The following ADGRG1 variants were observed in gnomAD, a reference collection of about 807,000 sequenced individuals.
ADGRG1 encodes the protein adhesion G protein-coupled receptor G1, also known as 7-transmembrane protein with no EGF-like N-terminal domains-1.
ADGRG1 carries 53 observed loss-of-function variants against 73.5 expected under a neutral mutation model. The observed-to-expected ratio is 0.72, with a 90% CI of 0.58 to 0.91. The LOEUF (loss-of-function observed/expected upper bound fraction) is 0.91, where lower values mean the gene tolerates loss of function less well. Ranked by LOEUF, ADGRG1 falls within the 40% of genes least tolerant of loss-of-function variation. The probability of loss-of-function intolerance (pLI) is 0.00; values close to 1 mark genes in which losing one functional copy is unlikely to be tolerated. For missense variants in ADGRG1, 795 were observed against 871.8 expected (o/e 0.91, Z 1.11); for synonymous variants, 394 against 374.4 (o/e 1.05, Z -0.60).
chr16:57,639,153 C>T (rs2040113209), intron 1 of ADGRG1: 1 of 481,696 alleles, frequency 2.1e-6, no homozygotes, highest in Non-Finnish European at 2.7e-6. Flanking sequence ...CTCTGCCTCT[C>T]TCGAGAAATT....
upstream of ADGRG1, among the ~76,000 whole-genome samples, chr16:57,626,071 G>A (rs568880797): frequency 6.6e-6 from 1 of 152,310 alleles, no homozygotes; most frequent in East Asian, 1.9e-4. Context: ...AGACTGTTGT[G>A]AGAACAGAAG....
At chr16:57,632,718 C>G in intron 1 of ADGRG1, 1 of 918,672 alleles carries the variant, frequency 1.1e-6, no homozygotes, top group Non-Finnish European at 1.3e-6. Flanking sequence ...CAGGCTCAGG[C>G]AGTTTGTGGT....
chr16:57,661,806 C>T lies in ADGRG1; in HGVS notation c.1774C>T (p.Arg592Trp), dbSNP rs764782487. The T allele has an allele frequency of 5.9e-5, 96 of 1,614,114 alleles. No homozygotes were observed. The highest frequency in any genetic ancestry group is 1.6e-4 in the Middle Eastern group (1 of 6,084). ...MLATMVVQIL[R>W]LRPHTQKWSH... The stretch of plus-strand genomic sequence containing the variant: ...AGCCACCATGGTGGTGCAGATCCTG[C>T]GGCTGCGCCCCCACACCCAAAAGTG... The change falls in exon 13 of 14, where the codon CGG (arginine) becomes TGG (tryptophan). Residue 592 changes from arginine to tryptophan, a missense_variant. Coordinates refer to ENST00000562631, the MANE Select transcript of ADGRG1 (RefSeq NM_201525.4).
rs1271573702 is a variant in ADGRG1 at position 57,663,929 on chromosome 16, T to G, written c.*347T>G. The G allele has an allele frequency of 1.0e-5, 4 of 398,084 alleles. No individual in the cohort carries two copies. In the East Asian group the frequency reaches 2.3e-4, roughly 23 times the overall value. 24.7% of individuals were successfully genotyped at this position (398,084 alleles called of 1,614,324 possible). A position where few individuals can be genotyped will look rare whatever the true frequency, so the allele number is the denominator to read the frequency against. On this transcript the variant is annotated 3_prime_UTR_variant, in exon 14 of 14. Coordinates refer to ENST00000562631, the MANE Select transcript of ADGRG1 (RefSeq NM_201525.4). The stretch of plus-strand genomic sequence containing the variant: ...ATTGCTGGGGGCCAGGCCTTGGATC[T>G]TGAGGGTCTGGCACATCCTTAATCC...
rs774118765 is a variant in ADGRG1, at chr16:57,659,729, C to T, written c.1555+48C>T. 4 of 1,606,912 alleles carry T rather than the reference C, an allele frequency of 2.5e-6. No individual in the cohort carries two copies. The South Asian group carries it at 3.3e-5, about 13-fold the overall frequency. ...CCTCAGACCTGCCTCTCCCACTTGG[C>T]TCTGGCAAAACCCAGGCACCTGGTT... On this transcript the variant is annotated intron_variant, in intron 11 of 13. Coordinates refer to ENST00000562631, the MANE Select transcript of ADGRG1 (RefSeq NM_201525.4).
At chr16:57,627,729 C>T (rs1315525225), upstream of ADGRG1, 11 of 812,256 alleles carry the variant, frequency 1.4e-5, no homozygotes, top group Non-Finnish European at 1.4e-5. Flanking sequence ...ATCCTCATTG[C>T]TCGGAGGAGG....
chr16:57,647,675 A>T, intron 1 of ADGRG1: 1 of 546,346 alleles, frequency 1.8e-6, no homozygotes, highest in Non-Finnish European at 2.3e-6. Context: ...CCCATGGGTT[A>T]AAGGAAGCCA....
chr16:57,621,018 T>TG (rs2034688896), exon 1 of ADGRG1: 1 of 152,186 alleles, frequency 6.6e-6, no homozygotes, highest in South Asian at 2.1e-4. Context: ...CCTGGTCTCA[T>TG]GGGCCACACA....
chr16:57,643,974 G>A, intron 1 of ADGRG1: 5 of 984,688 alleles, frequency 5.1e-6, no homozygotes, highest in Middle Eastern at 5.2e-4. Context: ...GAGCTGTTGG[G>A]TACATGCTAT....
Position 57,642,022 on chromosome 16 carries a change from G to A in ADGRG1, c.-35-8231G>A, listed in dbSNP as rs186745179. ...CTTGCCTCAGCCTCCCAAGTAGCTG[G>A]TACTACAGGCAAGCACTACTACCCC... On this transcript the variant is annotated intron_variant, in intron 1 of 13. Transcript: ENST00000562631. The A allele has an allele frequency of 7.2e-4, 663 of 916,710 alleles. 3 individuals carry two copies. The African/African-American group carries it at 0.011, about 16-fold the overall frequency. The allele number at this position is 916,710 out of a possible 1,614,324, so 56.8% of individuals were successfully genotyped here.
At chr16:57,641,058 C>A in intron 1 of ADGRG1, 1 of 985,148 alleles carries the variant, frequency 1.0e-6, no homozygotes, top group Non-Finnish European at 1.2e-6. Context: ...TTGCTACCAG[C>A]TTGGAGGTAA....
chr16:57,644,779 T>C (rs935744), intron 1 of ADGRG1, among the ~76,000 whole-genome samples: 99,856 of 141,550 alleles, frequency 0.71, 36,158 homozygotes, highest in East Asian at 0.9. Flanking sequence ...CACACACATA[T>C]GCACACTCAT....
At chr16:57,631,833 G>A (rs898688304) in intron 1 of ADGRG1, 3 of 985,166 alleles carry the variant, frequency 3.0e-6, no homozygotes, top group Non-Finnish European at 3.6e-6. Flanking sequence ...GCCCCATCTG[G>A]GGCTCCTTGA....
rs2047954950 is a variant in ADGRG1, at chr16:57,664,697, C to G, written c.*1115C>G. The G allele has an allele frequency of 6.5e-6, 1 of 152,910 alleles. No individual in the cohort carries two copies. Among genetic ancestry groups the G allele is most frequent in the South Asian group, 2.1e-4 (1 of 4,834 alleles). 9.5% of individuals were successfully genotyped at this position (152,910 alleles called of 1,614,324 possible). On this transcript the variant is annotated 3_prime_UTR_variant, in exon 14 of 14. Coordinates refer to ENST00000562631, the MANE Select transcript of ADGRG1 (RefSeq NM_201525.4). ...CCAACAAACACACACGGGTAGATTG[C>G]TGGCCTGTTGTAGGTGGTAGGGACA...
At chr16:57,635,424 A>G (rs1437334262) in intron 1 of ADGRG1, 2 of 985,156 alleles carry the variant, frequency 2.0e-6, no homozygotes, top group Non-Finnish European at 2.4e-6. Context: ...GGGAGCTGGG[A>G]CCAGTGCAGC....
Position 57,655,545 on chromosome 16 carries a change from C to A in ADGRG1, c.900+15C>A, listed in dbSNP as rs771791293. 5 of 1,613,534 alleles carry A rather than the reference C, an allele frequency of 3.1e-6. No homozygotes were observed. The highest frequency in any genetic ancestry group is 4.2e-6 in the Non-Finnish European group (5 of 1,179,994). On this transcript the variant is annotated intron_variant, in intron 6 of 13. Coordinates refer to ENST00000562631, the MANE Select transcript of ADGRG1 (RefSeq NM_201525.4). ...CCCTGTTCCAGGTATGGGGTCCTCA[C>A]CCTCATGCCTCCCAGGAGAAAGCAG... is the stretch of plus-strand genomic sequence containing the variant.
At chr16:57,632,357 G>A in intron 1 of ADGRG1, 1 of 973,770 alleles carries the variant, frequency 1.0e-6, no homozygotes, top group East Asian at 1.1e-4. Flanking sequence ...GGGAACATGG[G>A]CCTGTGCCTC....
At chr16:57,653,088 TGTAAA>T (rs2148307694) in intron 3 of ADGRG1, 110 bp from the exon 4 acceptor site, 2 of 1,582,470 alleles carry the variant, frequency 1.3e-6, no homozygotes, top group African/African-American at 2.7e-5. Flanking sequence ...GTTTCCCCTT[TGTAAA>T]GTAAAGATCG....
At position 57,653,949 on chromosome 16, in the gene ADGRG1, C is replaced by T. The variant is rs747640547; in HGVS notation, c.621-37C>T. 1.2e-5 allele frequency: 19 copies of T among 1,612,950 alleles called. No individual in the cohort carries two copies. The South Asian group carries it at 1.4e-4, about 12-fold the overall frequency. On this transcript the variant is annotated intron_variant, in intron 4 of 13. Transcript: ENST00000562631. The stretch of plus-strand genomic sequence containing the variant: ...TCAGTCTCCCTGGTGGCCCGGCCCC[C>T]TCCCCACCATCACCACCGCTTTCTC...
Sources: gnomAD v4.1 joint callset for allele counts (sites outside exome capture counted in the v4.1 genomes callset) on GRCh38, gnomAD v4.1.1 for gene constraint, MANE v1.5 for transcripts, NCBI Gene and HGNC (gene_info 2026-07-23, HGNC 2026-07-21) for gene names.